GPC3: variants seen among roughly 807,000 people sequenced by gnomAD.
GPC3 encodes glypican-3.
GPC3 carries 3 observed loss-of-function variants against 34.4 expected under a neutral mutation model. The observed-to-expected ratio is 0.09, with a 90% CI of 0.04 to 0.23. The LOEUF (loss-of-function observed/expected upper bound fraction) is 0.23. Ranked by LOEUF, GPC3 falls within the 10% of genes least tolerant of loss-of-function variation. The pLI is 1.00. For synonymous variants in GPC3, 177 were observed against 174.0 expected (o/e 1.02, Z -0.13); for missense variants, 351 against 445.6 (o/e 0.79, Z 1.91).
intron 7 of GPC3, among the ~76,000 whole-genome samples, chrX:133,547,379 C>G: frequency 9.0e-6 from 1 of 111,353 alleles, no homozygotes; most frequent in Non-Finnish European, 1.9e-5. Flanking sequence ...GAGATAACAG[C>G]ATCTGGGGAT....
At chrX:133,763,239 T>C in intron 2 of GPC3, 4 of 562,049 alleles carry the variant, frequency 7.1e-6, no homozygotes. Flanking sequence ...TTGCTCTGTG[T>C]CACACAGATT....
chrX:133,779,044 T>G (rs1435870581), intron 2 of GPC3, among the ~76,000 whole-genome samples: 1 of 112,062 alleles, frequency 8.9e-6, no homozygotes, highest in Non-Finnish European at 1.9e-5. Context: ...ATTTTACTGA[T>G]GAGGAAACAA....
intron 3 of GPC3, among the ~76,000 whole-genome samples, chrX:133,722,149 C>T (rs2071373649): frequency 9.0e-6 from 1 of 111,495 alleles, no homozygotes; most frequent in Admixed American, 9.6e-5. Context: ...TAGTCTGTAA[C>T]TTATCTGATA....
intron 6 of GPC3, among the ~76,000 whole-genome samples, chrX:133,625,025 A>G (rs1009373123): frequency 8.9e-6 from 1 of 112,166 alleles, no homozygotes; most frequent in African/African-American, 3.2e-5. Context: ...GCAAATCAAT[A>G]AATGTAATCC....
chrX:133,944,831 T>C (rs967260071), intron 2 of GPC3, among the ~76,000 whole-genome samples: 1 of 112,042 alleles, frequency 8.9e-6, no homozygotes, highest in Non-Finnish European at 1.9e-5. Flanking sequence ...TGGGCCAGCA[T>C]AGAGCTGAGT....
Position 133,869,920 on chromosome X carries a change from A to G in GPC3, c.337+83130T>C, listed in dbSNP as rs1299565140. On this transcript the variant is annotated intron_variant, in intron 2 of 7. Transcript: ENST00000370818. ...CAGTGAGCCGAGATCACGCCTCTGCACTCCAGCCTAGGCGATAGAGCGAGA... is the reference window on the plus strand; with the variant it reads ...CAGTGAGCCGAGATCACGCCTCTGCGCTCCAGCCTAGGCGATAGAGCGAGA... 4.4e-5 allele frequency among the ~76,000 whole-genome samples: 5 copies of G among 112,383 alleles called. No homozygotes were observed. In the Admixed American group the frequency reaches 4.7e-4, roughly 11 times the overall value.
rs147672123 is a variant in GPC3 at position 133,711,143 on chromosome X, C to T, written c.1033-11115G>A. Among the ~76,000 whole-genome samples, 597 of 112,089 alleles carry T rather than the reference C, an allele frequency of 5.3e-3. 3 individuals carry two copies. Among genetic ancestry groups the T allele is most frequent in the African/African-American group, 0.018 (557 of 30,864 alleles). ...CCTCTAACTTCTCTACATCCAGACA[C>T]GAAGTCTTGTTTATTGTCTCTTATA... On this transcript the variant is annotated intron_variant, in intron 3 of 7. Coordinates refer to ENST00000370818, the MANE Select transcript of GPC3 (RefSeq NM_004484.4).
intron 7 of GPC3, among the ~76,000 whole-genome samples, chrX:133,548,732 G>A (rs778470494): frequency 5.8e-4 from 65 of 111,529 alleles, no homozygotes; most frequent in Non-Finnish European, 1.1e-3. Context: ...GGAAGGACCC[G>A]GTGGGAGGTA....
intron 3 of GPC3, among the ~76,000 whole-genome samples, chrX:133,722,487 G>A (rs1003485862): frequency 8.9e-6 from 1 of 111,975 alleles, no homozygotes; most frequent in African/African-American, 3.2e-5. Context: ...AAAGGCTAAA[G>A]GAGTATTACA....
At chrX:133,782,273 T>C (rs775673943) in intron 2 of GPC3, among the ~76,000 whole-genome samples, 1 of 112,069 alleles carries the variant, frequency 8.9e-6, no homozygotes, top group African/African-American at 3.2e-5. Context: ...CCGTAATTAT[T>C]ACCAGTTGCT....
chrX:133,788,739 C>A (rs1368989335), intron 2 of GPC3, among the ~76,000 whole-genome samples: 4 of 92,610 alleles, frequency 4.3e-5, no homozygotes, highest in Non-Finnish European at 6.5e-5. Context: ...TCCTCCTATG[C>A]CCTCCTCCTC....
At chrX:133,800,991 T>G (rs1481936866) in intron 2 of GPC3, among the ~76,000 whole-genome samples, 1 of 112,278 alleles carries the variant, frequency 8.9e-6, no homozygotes, top group African/African-American at 3.2e-5. Flanking sequence ...CTGCTTTGAT[T>G]TGAAGTCTAC....
intron 2 of GPC3, among the ~76,000 whole-genome samples, chrX:133,873,030 G>A (rs773909433): frequency 8.9e-6 from 1 of 112,272 alleles, no homozygotes; most frequent in Non-Finnish European, 1.9e-5. Context: ...GGTACAGACC[G>A]TTTTCCTGAA....
intron 2 of GPC3, among the ~76,000 whole-genome samples, chrX:133,891,076 A>G (rs774634952): frequency 1.8e-5 from 2 of 110,963 alleles, no homozygotes; most frequent in African/African-American, 6.5e-5. Context: ...ACAGGTATCC[A>G]TACAATGGAA....
chrX:133,876,272 A>G (rs981178912), intron 2 of GPC3, among the ~76,000 whole-genome samples: 11 of 112,168 alleles, frequency 9.8e-5, no homozygotes, highest in African/African-American at 2.3e-4. Context: ...AAAACAGAAT[A>G]CGGACGCTGT....
intron 3 of GPC3, among the ~76,000 whole-genome samples, chrX:133,745,381 A>G (rs745545224): frequency 1.2e-4 from 13 of 112,354 alleles, no homozygotes; most frequent in Non-Finnish European, 2.3e-4. Context: ...CTAGAAGTTC[A>G]ATAAAAGAGA....
At position 133,893,808 on chromosome X, in the gene GPC3, T is replaced by G. The variant is rs771169784; in HGVS notation, c.337+59242A>C. Reference sequence around the variant, plus strand: ...TTTAGGATGTCTCCATAACATAATATGCCTGATCAAAAGTGGGTTTTTTGT... The same window carrying G: ...TTTAGGATGTCTCCATAACATAATAGGCCTGATCAAAAGTGGGTTTTTTGT... On this transcript the variant is annotated intron_variant, in intron 2 of 7. Transcript: ENST00000370818. 3.6e-5 allele frequency among the ~76,000 whole-genome samples: 4 copies of G among 111,918 alleles called. No homozygotes were observed. In the South Asian group the frequency reaches 1.5e-3, roughly 42 times the overall value.
chrX:133,795,065 C>A (rs2075571525), intron 2 of GPC3, among the ~76,000 whole-genome samples: 2 of 112,067 alleles, frequency 1.8e-5, no homozygotes, highest in South Asian at 7.4e-4. Flanking sequence ...TTTCACTGAA[C>A]CGCTATGTAT....
chrX:133,786,638 T>C (rs1421995478), intron 2 of GPC3, among the ~76,000 whole-genome samples: 1 of 112,065 alleles, frequency 8.9e-6, no homozygotes, highest in East Asian at 2.8e-4. Flanking sequence ...TGGGGAATGG[T>C]AGCTTATGCA....
Sources: allele counts gnomAD v4.1 joint callset (sites outside exome capture counted in the v4.1 genomes callset), GRCh38; gene constraint gnomAD v4.1.1; transcripts MANE v1.5; gene names NCBI Gene and HGNC (gene_info 2026-07-23, HGNC 2026-07-21).